Variants in CPNE5 observed in about 807,000 individuals in gnomAD.
CPNE5 encodes the protein copine 5, also known as copine-5.
A neutral mutation model predicts 81.1 loss-of-function variants in CPNE5; 42 were observed. The observed-to-expected ratio is 0.52, with a 90% confidence interval of 0.40 to 0.67. The LOEUF (loss-of-function observed/expected upper bound fraction) is 0.67. CPNE5 is among the 30% of genes least tolerant of loss of function. CPNE5 has a pLI of 0.00. For missense variants in CPNE5, 612 were observed against 815.5 expected (o/e 0.75, Z 3.04); for synonymous variants, 313 against 321.5 (o/e 0.97, Z 0.28).
At position 36,745,520 on chromosome 6, in the gene CPNE5, G is replaced by A; in HGVS notation, c.1201-5C>T. On this transcript the variant is annotated splice_region_variant and splice_polypyrimidine_tract_variant and intron_variant, in intron 16 of 20. Transcript: ENST00000244751. ...GGGGTTCTCCTGGTTGCCATTCTGG[G>A]GGACAGAGGGCAGGGAGGCTGAGCC... 6.3e-7 allele frequency: 1 copy of A among 1,598,372 alleles called. No homozygotes were observed. The highest frequency in any genetic ancestry group is 1.1e-5 in the South Asian group (1 of 88,156).
intron 10 of CPNE5, among the ~76,000 whole-genome samples, chr6:36,769,425 G>A (rs976808038): frequency 2.0e-5 from 3 of 152,210 alleles, no homozygotes; most frequent in Non-Finnish European, 4.4e-5. Flanking sequence ...CAGCCAAAAC[G>A]CCAGGCTGCC....
At chr6:36,798,125 G>A (rs773454418) in intron 6 of CPNE5, 40 bp downstream of exon 6, 34 of 1,534,254 alleles carry the variant, frequency 2.2e-5, no homozygotes, top group Admixed American at 3.4e-5. Context: ...GAATGGGCGG[G>A]AAGTTGGCCT....
rs78675552 is a variant in CPNE5, at chr6:36,795,602, C to T, written c.405-953G>A. Among the ~76,000 whole-genome samples the T allele has an allele frequency of 3.0e-3, 462 of 152,296 alleles. 5 individuals are homozygous for T. Among genetic ancestry groups the T allele is most frequent in the African/African-American group, 0.011 (443 of 41,564 alleles). On this transcript the variant is annotated intron_variant, in intron 6 of 20. Coordinates refer to ENST00000244751, the MANE Select transcript of CPNE5 (RefSeq NM_020939.2). ...GACACAGAGGTGCACAGAGAGATGACAATCTGAAGACACAGAGATGAAAAA... is the reference window on the plus strand; with the variant it reads ...GACACAGAGGTGCACAGAGAGATGATAATCTGAAGACACAGAGATGAAAAA...
intron 1 of CPNE5, chr6:36,827,724 C>T: frequency 1.0e-6 from 1 of 985,416 alleles, no homozygotes; most frequent in Non-Finnish European, 1.2e-6. Context: ...AGCACACAGC[C>T]AAAAGCCTGG....
At chr6:36,787,472 T>C (rs1036848040) in intron 8 of CPNE5, among the ~76,000 whole-genome samples, 3 of 152,040 alleles carry the variant, frequency 2.0e-5, no homozygotes, top group Admixed American at 6.6e-5. Flanking sequence ...CCCACCTGTC[T>C]ATATATATTG....
rs1158332978 is a variant in CPNE5, at chr6:36,798,437, G to A, written c.327+18C>T. ...TCAGAAACTATGGAATTGCTGAGCA[G>A]TTACTGGCAGAACTCACGTGTTTGG... is the stretch of plus-strand genomic sequence containing the variant. On this transcript the variant is annotated intron_variant, in intron 5 of 20. Coordinates refer to ENST00000244751, the MANE Select transcript of CPNE5 (RefSeq NM_020939.2). The A allele has an allele frequency of 1.2e-6, 2 of 1,612,996 alleles. No individual in the cohort carries two copies. The highest frequency in any genetic ancestry group is 3.3e-5 in the Admixed American group (2 of 60,016).
chr6:36,768,225 C>CTTTTTTTCTTTTTTTTTGTTTTTT (rs527797208), intron 10 of CPNE5, among the ~76,000 whole-genome samples: 1 of 60,496 alleles, frequency 1.7e-5, no homozygotes, highest in Non-Finnish European at 3.0e-5. Flanking sequence ...ATTCACAGTT[C>CTTTTTTTCTTTTTTTTTGTTTTTT]TTTTTTTTTT....
intron 10 of CPNE5, among the ~76,000 whole-genome samples, chr6:36,774,176 G>T (rs997434649): frequency 1.3e-5 from 2 of 151,972 alleles, no homozygotes; most frequent in African/African-American, 4.8e-5. Flanking sequence ...TTGAGCCCAG[G>T]AGTTTGATAC....
Position 36,753,067 on chromosome 6 carries a change from G to T in CPNE5, c.938C>A (p.Ser313Ter). The T allele has an allele frequency of 6.2e-7, 1 of 1,613,320 alleles. No homozygotes were observed. Among genetic ancestry groups the T allele is most frequent in the South Asian group, 1.1e-5 (1 of 91,032 alleles). ...TVTLLSFAVE[S>*]ECTFLDYIKG... is the part of the protein sequence containing the mutation. Reference sequence around the variant, plus strand: ...GATGTAGTCAAGGAAGGTGCACTCTGACTCCACAGCAAAGGAAAGCAGGGT... The same window carrying T: ...GATGTAGTCAAGGAAGGTGCACTCTTACTCCACAGCAAAGGAAAGCAGGGT... The change falls in exon 14 of 21, where the codon TCA (serine) becomes TAA (stop). Residue 313 changes from serine (S) to a stop codon, truncating the protein, a stop_gained. Transcript: ENST00000244751. LOFTEE classifies it high-confidence loss of function.
At chr6:36,807,908 G>T (rs1219297884) in intron 3 of CPNE5, among the ~76,000 whole-genome samples, 1 of 152,122 alleles carries the variant, frequency 6.6e-6, no homozygotes, top group African/African-American at 2.4e-5. Context: ...GCCTAGAGAA[G>T]AAACTCACTG....
Position 36,746,131 on chromosome 6 carries a change from C to A in CPNE5, c.1200+265G>T. ...TGAGGGATGGGTCAGCCACAGCTCG[C>A]CTCCACCTGCACCTGCGTCTTGTCA... On this transcript the variant is annotated intron_variant, in intron 16 of 20. Transcript: ENST00000244751. The surrounding 1 kb of genome is among the most constrained non-coding windows in gnomAD (Gnocchi z 4.5). The A allele has an allele frequency of 4.1e-6, 4 of 984,802 alleles. No homozygotes were observed. Among genetic ancestry groups the A allele is most frequent in the Non-Finnish European group, 4.8e-6 (4 of 829,356 alleles). The allele number at this position is 984,802 out of a possible 1,614,324, so 61.0% of individuals were successfully genotyped here.
At chr6:36,744,348 G>A in intron 18 of CPNE5, 23 bp from the exon 19 acceptor site, 1 of 1,568,394 alleles carries the variant, frequency 6.4e-7, no homozygotes, top group South Asian at 1.2e-5. Context: ...ATGGGGGGCA[G>A]GGAAAGGTTG....
intron 10 of CPNE5, among the ~76,000 whole-genome samples, chr6:36,773,862 A>G (rs993374085): frequency 6.6e-6 from 1 of 152,238 alleles, no homozygotes; most frequent in African/African-American, 2.4e-5. Context: ...GTTAAAACAA[A>G]AAATCTAGCC....
chr6:36,748,207 A>G lies in CPNE5; in HGVS notation c.1018+14T>C, dbSNP rs781278797. 1.2e-6 allele frequency: 2 copies of G among 1,613,464 alleles called. No individual in the cohort carries two copies. The highest frequency in any genetic ancestry group is 1.3e-5 in the African/African-American group (1 of 74,904). On this transcript the variant is annotated intron_variant, in intron 15 of 20. Coordinates refer to ENST00000244751, the MANE Select transcript of CPNE5 (RefSeq NM_020939.2). The stretch of plus-strand genomic sequence containing the variant: ...CTCCTCCCACCCTGCTCCTCTACCC[A>G]TCCCCCAACTCACCATTGGAGGCAG...
intron 11 of CPNE5, 124 bp downstream of exon 11, chr6:36,765,211 G>C: frequency 7.1e-5 from 56 of 786,496 alleles, no homozygotes; most frequent in Non-Finnish European, 9.6e-5. Flanking sequence ...CGCAAACCCA[G>C]GCTCCCTCAC....
At chr6:36,802,181 T>C (rs540145076) in intron 3 of CPNE5, among the ~76,000 whole-genome samples, 1 of 114,254 alleles carries the variant, frequency 8.8e-6, no homozygotes, top group South Asian at 2.9e-4. Flanking sequence ...ATTGCGCCAA[T>C]GTACTCCAGC....
chr6:36,778,803 C>T (rs766748574), intron 9 of CPNE5, 51 bp downstream of exon 9: 1 of 1,290,632 alleles, frequency 7.7e-7, no homozygotes, highest in African/African-American at 1.5e-5. Context: ...CCGTCCTTGA[C>T]CCCAGAAGGG....
At position 36,776,651 on chromosome 6, in the gene CPNE5, T is replaced by C. The variant is rs77872982; in HGVS notation, c.633-1586A>G. Among the ~76,000 whole-genome samples the C allele has an allele frequency of 8.7e-3, 1,324 of 152,266 alleles. 19 individuals carry two copies. Among genetic ancestry groups the C allele is most frequent in the African/African-American group, 0.03 (1,226 of 41,558 alleles). On this transcript the variant is annotated intron_variant, in intron 9 of 20. Transcript: ENST00000244751. ...CACCCCCCAACCGTCACACAGACCC[T>C]TGTGGACCCTCTGCAGCCTCCCATC...
intron 8 of CPNE5, among the ~76,000 whole-genome samples, chr6:36,780,985 C>T (rs1404061544): frequency 1.3e-5 from 2 of 152,160 alleles, no homozygotes; most frequent in African/African-American, 4.8e-5. Context: ...TCTTCCAGTA[C>T]CACTCTGCCC....
Sources: allele counts gnomAD v4.1 joint callset (sites outside exome capture counted in the v4.1 genomes callset), GRCh38; gene constraint gnomAD v4.1.1; non-coding constraint Gnocchi (gnomAD v3.1); transcripts MANE v1.5; gene names NCBI Gene and HGNC (gene_info 2026-07-23, HGNC 2026-07-21).